EPSTI1: variants seen among roughly 807,000 people sequenced by gnomAD.
EPSTI1 encodes the protein epithelial stromal interaction 1.
In EPSTI1, 66 loss-of-function variants were observed where a neutral mutation model predicts 49.9. The ratio of observed to expected loss-of-function variants is 1.32; its 90% CI spans 1.08 to 1.62. The LOEUF (loss-of-function observed/expected upper bound fraction) is 1.62. EPSTI1 is among the 40% of genes most tolerant of loss of function. The pLI, the probability that EPSTI1 is intolerant of heterozygous loss-of-function variation, is 0.00. For missense variants in EPSTI1, 394 were observed against 365.5 expected (o/e 1.08, Z -0.64); for synonymous variants, 137 against 130.7 (o/e 1.05, Z -0.33).
At chr13:42,929,343 A>G (rs1055824651) in intron 6 of EPSTI1, among the ~76,000 whole-genome samples, 65 of 152,310 alleles carry the variant, frequency 4.3e-4, no homozygotes, top group African/African-American at 1.5e-3. Context: ...TAGTCACTCT[A>G]GGTCCTTCCT....
In EPSTI1 at chr13:42,898,552, T is replaced by C. The variant is rs150608511; in HGVS notation, c.815+1758A>G. 1.6e-3 allele frequency among the ~76,000 whole-genome samples: 249 copies of C among 152,340 alleles called. 4 individuals carry two copies. The East Asian group carries it at 0.044, about 27-fold the overall frequency. On this transcript the variant is annotated intron_variant, in intron 9 of 10. Coordinates refer to ENST00000313624, the MANE Select transcript of EPSTI1 (RefSeq NM_033255.5). ...GATTAAATTTGGAGCTATACATTTA[T>C]TGGATCTATTTAAGTAGAATCAAAA... is the stretch of plus-strand genomic sequence containing the variant.
intron 8 of EPSTI1, 114 bp from the exon 9 acceptor site, chr13:42,900,497 C>G: frequency 1.0e-6 from 1 of 988,604 alleles, no homozygotes; most frequent in African/African-American, 1.6e-5. Context: ...ATTTTTGAAA[C>G]TTTTACTTAA....
chr13:42,931,512 C>A (rs1393700445), intron 6 of EPSTI1, among the ~76,000 whole-genome samples: 1 of 152,252 alleles, frequency 6.6e-6, no homozygotes, highest in African/African-American at 2.4e-5. Flanking sequence ...GCCTTGCCTG[C>A]AGCTTTTAAT....
chr13:42,974,591 G>A (rs1473272794), intron 1 of EPSTI1, among the ~76,000 whole-genome samples: 19 of 151,662 alleles, frequency 1.3e-4, no homozygotes, highest in Non-Finnish European at 2.1e-4. Flanking sequence ...CCAGGGAGGC[G>A]GAGCTTGCAG....
At chr13:42,894,315 T>TGA (rs1468378979) in intron 10 of EPSTI1, among the ~76,000 whole-genome samples, 2 of 151,802 alleles carry the variant, frequency 1.3e-5, no homozygotes, top group African/African-American at 2.4e-5. Context: ...AGGGAGTGAG[T>TGA]GAGAGAGAGA....
At chr13:42,906,173 T>G (rs902051366) in intron 8 of EPSTI1, among the ~76,000 whole-genome samples, 4 of 152,108 alleles carry the variant, frequency 2.6e-5, no homozygotes, top group Non-Finnish European at 4.4e-5. Flanking sequence ...AGGTCAATAA[T>G]AAGAAGAGGG....
At chr13:42,903,601 T>G (rs992791722) in intron 8 of EPSTI1, among the ~76,000 whole-genome samples, 1 of 152,152 alleles carries the variant, frequency 6.6e-6, no homozygotes, top group African/African-American at 2.4e-5. Flanking sequence ...AATTTGAGTC[T>G]AGGAAGAGAC....
chr13:42,953,976 T>A lies in EPSTI1; in HGVS notation c.535A>T (p.Arg179Ter), dbSNP rs565396187. The change falls in exon 6 of 11, where the codon AGA becomes TGA. Residue 179 changes from arginine (R) to a stop codon, truncating the protein, a stop_gained. Transcript: ENST00000313624. LOFTEE classifies it high-confidence loss of function. The part of the protein sequence containing the change: ...EKKRLQENLR[R>*]EAFREHQQYK... ...TGCTGATGCTCTCTAAATGCTTCTCTTCTAAGGTTTTCTTGAAGTCTTTTT... is the reference window on the plus strand; with the variant it reads ...TGCTGATGCTCTCTAAATGCTTCTCATCTAAGGTTTTCTTGAAGTCTTTTT... 1.2e-6 allele frequency: 2 copies of A among 1,613,120 alleles called. No individual in the cohort carries two copies. Among genetic ancestry groups the A allele is most frequent in the African/African-American group, 2.7e-5 (2 of 75,038 alleles).
chr13:42,937,647 AG>A (rs2038609695), intron 6 of EPSTI1, among the ~76,000 whole-genome samples: 1 of 152,220 alleles, frequency 6.6e-6, no homozygotes, highest in Non-Finnish European at 1.5e-5. Flanking sequence ...TTTGATCATA[AG>A]ATTGCAACAA....
chr13:42,905,193 A>C (rs1301766702), intron 8 of EPSTI1, among the ~76,000 whole-genome samples: 2 of 152,164 alleles, frequency 1.3e-5, no homozygotes, highest in Non-Finnish European at 2.9e-5. Context: ...AGAGCAACAT[A>C]CATCATCCTA....
At chr13:42,935,251 T>C (rs966494718) in intron 6 of EPSTI1, among the ~76,000 whole-genome samples, 1 of 152,264 alleles carries the variant, frequency 6.6e-6, no homozygotes, top group Non-Finnish European at 1.5e-5. Context: ...CACCTCTTTC[T>C]AACCATCAGC....
chr13:42,973,715 AG>A (rs1427241218), intron 1 of EPSTI1, among the ~76,000 whole-genome samples: 6 of 152,294 alleles, frequency 3.9e-5, no homozygotes, highest in South Asian at 2.1e-4. Context: ...CCCACAGCAA[AG>A]GCCTTTGCTG....
At chr13:42,893,600 G>GTGA (rs2037101766) in intron 10 of EPSTI1, among the ~76,000 whole-genome samples, 1 of 152,132 alleles carries the variant, frequency 6.6e-6, no homozygotes, top group South Asian at 2.1e-4. Flanking sequence ...GGCTCACTAA[G>GTGA]GCCTGCCAAT....
chr13:42,956,777 T>C (rs184654231), intron 5 of EPSTI1, among the ~76,000 whole-genome samples: 4 of 152,290 alleles, frequency 2.6e-5, no homozygotes, highest in African/African-American at 9.6e-5. Context: ...CAAGAGAATA[T>C]GTTAGCTCAA....
At chr13:42,981,548 C>T (rs2039986850) in intron 1 of EPSTI1, among the ~76,000 whole-genome samples, 1 of 152,172 alleles carries the variant, frequency 6.6e-6, no homozygotes, top group African/African-American at 2.4e-5. Context: ...ACCACAAATG[C>T]GTACCATACT....
Position 42,922,558 on chromosome 13 carries a change from C to T in EPSTI1, c.657+3778G>A, listed in dbSNP as rs988557308. On this transcript the variant is annotated intron_variant, in intron 7 of 10. Transcript: ENST00000313624. The surrounding 1 kb of genome is among the most constrained non-coding windows in gnomAD (Gnocchi z 4.8). ...ATACCCTCATTTTAGCATTTTAAAA[C>T]CCATTTTTATTGCTGACCTCCAGAA... 3.9e-5 allele frequency among the ~76,000 whole-genome samples: 6 copies of T among 152,110 alleles called. No individual in the cohort carries two copies. The highest frequency in any genetic ancestry group is 1.4e-4 in the African/African-American group (6 of 41,422).
intron 6 of EPSTI1, among the ~76,000 whole-genome samples, chr13:42,947,220 T>C (rs1157324091): frequency 1.3e-5 from 2 of 152,130 alleles, no homozygotes; most frequent in African/African-American, 2.4e-5. Context: ...AAAAAGATAT[T>C]CACAAAATGT....
At chr13:42,926,261 T>C in intron 7 of EPSTI1, 75 bp downstream of exon 7, 1 of 877,584 alleles carries the variant, frequency 1.1e-6, no homozygotes, top group Non-Finnish European at 2.0e-6. Flanking sequence ...CAAGTCACTC[T>C]ATATCCCTCA....
intron 9 of EPSTI1, among the ~76,000 whole-genome samples, chr13:42,897,466 G>A (rs1445902004): frequency 6.6e-6 from 1 of 152,162 alleles, no homozygotes; most frequent in Non-Finnish European, 1.5e-5. Flanking sequence ...CCGGAGCCTA[G>A]GACACAGCCT....
Sources: gnomAD v4.1 joint callset for allele counts (sites outside exome capture counted in the v4.1 genomes callset) on GRCh38, gnomAD v4.1.1 for gene constraint, Gnocchi (gnomAD v3.1) non-coding constraint, MANE v1.5 for transcripts, NCBI Gene and HGNC (gene_info 2026-07-23, HGNC 2026-07-21) for gene names.